DNAH2: variants seen among roughly 807,000 people sequenced by gnomAD.
DNAH2 encodes axonemal beta dynein heavy chain 2.
A neutral mutation model predicts 523.5 loss-of-function variants in DNAH2; 323 were observed. The ratio of observed to expected loss-of-function variants is 0.62; its 90% CI spans 0.56 to 0.68. DNAH2 has a LOEUF of 0.68. Ranked by LOEUF, DNAH2 falls within the 30% of genes least tolerant of loss-of-function variation. The pLI is 0.00. For synonymous variants in DNAH2, 2,093 were observed against 2,177.4 expected, an observed-to-expected ratio of 0.96 and a Z score of 1.08; for missense variants, 4,907 against 5,701.5, an observed-to-expected ratio of 0.86 and a Z score of 4.49.
At chr17:7,805,124 G>A in intron 60 of DNAH2, 50 bp downstream of exon 60, 2 of 1,600,776 alleles carry the variant, frequency 1.2e-6, no homozygotes, top group South Asian at 1.1e-5. Flanking sequence ...AGGCCCCGGG[G>A]AAGGGAATGG....
Position 7,818,047 on chromosome 17 carries a change from T to C in DNAH2, c.10338T>C (p.Tyr3446=). The C allele has an allele frequency of 6.2e-7, 1 of 1,613,864 alleles. No individual in the cohort carries two copies. Among genetic ancestry groups the C allele is most frequent in the Non-Finnish European group, 8.5e-7 (1 of 1,180,032 alleles). The change falls in exon 68 of 86, where the codon TAT becomes TAC. Residue 3446 remains tyrosine (Y), a synonymous_variant. Transcript: ENST00000572933. ...YPVLLQNVQE[Y]LDPTLNPMLN... is the part of the protein sequence containing the mutation. ...TGCTACTTCAGAACGTGCAGGAATATCTGGACCCCACACTGAACCCCATGC... is the reference window on the plus strand; with the variant it reads ...TGCTACTTCAGAACGTGCAGGAATACCTGGACCCCACACTGAACCCCATGC...
chr17:7,755,061 T>A, intron 12 of DNAH2: 1 of 275,158 alleles, frequency 3.6e-6, no homozygotes, highest in Non-Finnish European at 6.7e-6. Context: ...AATTGTAGCG[T>A]GGAAACAGGT....
In DNAH2 at chr17:7,743,100, T is replaced by A; in HGVS notation, c.1862T>A (p.Ile621Asn). 1 of 1,564,696 alleles carries A rather than the reference T, an allele frequency of 6.4e-7. No individual in the cohort carries two copies. The highest frequency in any genetic ancestry group is 8.6e-7 in the Non-Finnish European group (1 of 1,160,764). ...IRRLDTPLLR[I>N]SQEKAGMLDV... ...CGGTTGGATACCCCATTGCTGCGAATCAGCCAGGAGAAGGCGGGCATGCTG... is the reference window on the plus strand; with the variant it reads ...CGGTTGGATACCCCATTGCTGCGAAACAGCCAGGAGAAGGCGGGCATGCTG... The change falls in exon 12 of 86, where the codon ATC (isoleucine) becomes AAC (asparagine). Residue 621 changes from isoleucine to asparagine, a missense_variant. Physicochemically the swap from Ile to Asn is moderately radical, Grantham distance 149. Coordinates refer to ENST00000572933, the MANE Select transcript of DNAH2 (RefSeq NM_020877.5).
chr17:7,813,254 G>T (rs986563478), intron 63 of DNAH2, among the ~76,000 whole-genome samples: 1 of 145,282 alleles, frequency 6.9e-6, no homozygotes, highest in Non-Finnish European at 1.5e-5. Flanking sequence ...TCTTTTGTAG[G>T]TTTTTTTTTT....
chr17:7,793,559 CTTTCTTTCTTTCTTTT>C (rs888786677), intron 48 of DNAH2, among the ~76,000 whole-genome samples: 3 of 141,308 alleles, frequency 2.1e-5, no homozygotes, highest in African/African-American at 7.9e-5. Context: ...CTTTCTTTCT[CTTTCTTTCTTTCTTTT>C]TTTCTTTCTT....
At position 7,780,884 on chromosome 17, in the gene DNAH2, C is replaced by CTCACCTTCCCACCTCGTCCCATCCCCGTG; in HGVS notation, c.6003+104_6004-128dup. The CTCACCTTCCCACCTCGTCCCATCCCCGTG allele has an allele frequency of 6.3e-7, 1 of 1,584,710 alleles. No individual in the cohort carries two copies. On this transcript the variant is annotated intron_variant, in intron 38 of 85. Transcript: ENST00000572933. The surrounding 1 kb of genome is among the most constrained non-coding windows in gnomAD (Gnocchi z 4.4). Reference sequence around the variant, plus strand: ...CCCTTTCTTTCCTCAGATTGGGATTCTCACCTTCCCACCTCGTCCCATCCC... The same window carrying CTCACCTTCCCACCTCGTCCCATCCCCGTG: ...CCCTTTCTTTCCTCAGATTGGGATTCTCACCTTCCCACCTCGTCCCATCCCCGTGTCACCTTCCCACCTCGTCCCATCCC...
chr17:7,768,194 C>A lies in DNAH2; in HGVS notation c.3868C>A (p.Arg1290Ser). 9 of 1,614,162 alleles carry A rather than the reference C, an allele frequency of 5.6e-6. No homozygotes were observed. Among genetic ancestry groups the A allele is most frequent in the Non-Finnish European group, 6.8e-6 (8 of 1,180,032 alleles). The change falls in exon 24 of 86, where the codon CGC becomes AGC. Residue 1290 changes from arginine to serine, a missense_variant. Arg to Ser is a moderately radical substitution (Grantham distance 110). This residue lies in a region of DNAH2 where 2,806 missense variants were observed against 3,190.8 expected (regional missense o/e 0.88). Coordinates refer to ENST00000572933, the MANE Select transcript of DNAH2 (RefSeq NM_020877.5). Reference sequence around the variant, plus strand: ...AAACTGGGAAATTATTGAAACCACTCGCTCAAAAATAGAGCAGTTCAAGAG... The same window carrying A: ...AAACTGGGAAATTATTGAAACCACTAGCTCAAAAATAGAGCAGTTCAAGAG... The part of the protein sequence containing the change: ...DRNWEIIETT[R>S]SKIEQFKRTM...
chr17:7,759,950 A>G lies in DNAH2; in HGVS notation c.2785+12A>G. The G allele has an allele frequency of 3.7e-6, 6 of 1,614,164 alleles. No individual in the cohort carries two copies. The highest frequency in any genetic ancestry group is 5.1e-6 in the Non-Finnish European group (6 of 1,180,012). On this transcript the variant is annotated intron_variant, in intron 17 of 85. Transcript: ENST00000572933. ...CCAAACAGTTGTGGGTGAGTGGGCA[A>G]CGGGGAGGGCACAAGGCACAGGGTT...
chr17:7,825,455 CCTT>C (rs1350643225), intron 77 of DNAH2, among the ~76,000 whole-genome samples: 1 of 152,218 alleles, frequency 6.6e-6, no homozygotes, highest in African/African-American at 2.4e-5. Flanking sequence ...TATTAATCCT[CCTT>C]GGCCACTTGG....
At chr17:7,764,567 T>G (rs1399970289) in intron 20 of DNAH2, among the ~76,000 whole-genome samples, 1 of 150,846 alleles carries the variant, frequency 6.6e-6, no homozygotes, top group Non-Finnish European at 1.5e-5. Context: ...CTCAAGTGAT[T>G]CTCCTACTTC....
At position 7,831,643 on chromosome 17, in the gene DNAH2, C is replaced by T. The variant is rs768094558; in HGVS notation, c.12612-18C>T. Reference sequence around the variant, plus strand: ...CCAGGCCCACCTCATCTCTAACACTCCACCTCATCCTGCTCAGGTTCTCAC... The same window carrying T: ...CCAGGCCCACCTCATCTCTAACACTTCACCTCATCCTGCTCAGGTTCTCAC... On this transcript the variant is annotated intron_variant, in intron 81 of 85. Coordinates refer to ENST00000572933, the MANE Select transcript of DNAH2 (RefSeq NM_020877.5). The surrounding 1 kb of genome is among the most constrained non-coding windows in gnomAD (Gnocchi z 4.2). The T allele has an allele frequency of 5.6e-6, 9 of 1,613,576 alleles. No individual in the cohort carries two copies. Among genetic ancestry groups the T allele is most frequent in the South Asian group, 5.5e-5 (5 of 91,058 alleles).
At chr17:7,792,365 G>A (rs770557666) in intron 46 of DNAH2, 22 bp downstream of exon 46, 3 of 1,612,676 alleles carry the variant, frequency 1.9e-6, no homozygotes, top group Admixed American at 3.3e-5. Context: ...GCCTGGGTGT[G>A]AGGAGGGCAT....
intron 18 of DNAH2, among the ~76,000 whole-genome samples, chr17:7,761,477 C>T (rs1411563324): frequency 6.6e-6 from 1 of 151,560 alleles, no homozygotes; most frequent in Non-Finnish European, 1.5e-5. Context: ...CTATGTTGCC[C>T]ACTCAGGAAG....
chr17:7,807,569 C>T lies in DNAH2; in HGVS notation c.9712C>T (p.Gln3238Ter). The change falls in exon 63 of 86, where the codon CAG becomes TAG. Residue 3238 changes from glutamine to a stop codon, truncating the protein, a stop_gained. Coordinates refer to ENST00000572933, the MANE Select transcript of DNAH2 (RefSeq NM_020877.5). LOFTEE classifies it high-confidence loss of function. This position sits in a 1 kb window ranked among gnomAD's most constrained non-coding sequence, Gnocchi z 5.6. Reference sequence around the variant, plus strand: ...GAAGCAAGCCGCGCTCGCTGAGGCCCAGGAGAAGCTGCGGGAGGTGAGCTG... The same window carrying T: ...GAAGCAAGCCGCGCTCGCTGAGGCCTAGGAGAAGCTGCGGGAGGTGAGCTG... Reference protein sequence around the residue: ...REKQAALAEAQEKLREVAEKL... With the variant: ...REKQAALAEA 1 of 1,612,024 alleles carries T rather than the reference C, an allele frequency of 6.2e-7. No homozygotes were observed. Among genetic ancestry groups the T allele is most frequent in the Non-Finnish European group, 8.5e-7 (1 of 1,179,928 alleles).
At chr17:7,806,658 CAAAAAAAAA>C (rs66460228) in intron 61 of DNAH2, among the ~76,000 whole-genome samples, 1 of 60,568 alleles carries the variant, frequency 1.7e-5, no homozygotes, top group Non-Finnish European at 3.0e-5. Context: ...CACTCCATCT[CAAAAAAAAA>C]AAAAAAAAAA....
In DNAH2 at chr17:7,771,459, C is replaced by T. The variant is rs201546347; in HGVS notation, c.4492C>T (p.His1498Tyr). The change falls in exon 28 of 86, where the codon CAT becomes TAT. Residue 1498 changes from histidine to tyrosine, a missense_variant. By Grantham distance (83) the His-to-Tyr change is moderately conservative. Around this residue, in one of 3 missense-constraint regions of DNAH2, gnomAD observed 2,806 missense variants for 3,190.8 expected, o/e 0.88. Coordinates refer to ENST00000572933, the MANE Select transcript of DNAH2 (RefSeq NM_020877.5). Reference protein sequence around the residue: ...NKDNNALRSTHHPGLLDTLIE... With the variant: ...NKDNNALRSTYHPGLLDTLIE... The stretch of plus-strand genomic sequence containing the variant: ...GGACAACAATGCTCTCCGGAGCACC[C>T]ATCACCCAGGTCAGAGCTCCAGGGC... 55 of 1,613,920 alleles carry T rather than the reference C, an allele frequency of 3.4e-5. No homozygotes were observed. The Admixed American group carries it at 6.2e-4, about 18-fold the overall frequency.
At position 7,816,835 on chromosome 17, in the gene DNAH2, A is replaced by G. The variant is rs779585297; in HGVS notation, c.9894+100A>G. 3.4e-6 allele frequency: 5 copies of G among 1,454,690 alleles called. 1 individual carries two copies. The South Asian group carries it at 5.4e-5, about 16-fold the overall frequency. 90.1% of individuals were successfully genotyped at this position (1,454,690 alleles called of 1,614,324 possible). ...AGGAGCAGTCAGGGAAAACGGGGAC[A>G]CCTGGGTATAGGGAACTCTAAGAAC... On this transcript the variant is annotated intron_variant, in intron 64 of 85. Transcript: ENST00000572933.
chr17:7,817,931 C>A lies in DNAH2; in HGVS notation c.10237-15C>A, dbSNP rs1297432632. The A allele has an allele frequency of 6.2e-7, 1 of 1,614,116 alleles. No homozygotes were observed. Among genetic ancestry groups the A allele is most frequent in the Admixed American group, 1.7e-5 (1 of 60,012 alleles). ...TCTCCCGTAGTGTTCCTTCACCTTC[C>A]CCCTTGCTCTCTAGGGCCTGAAGAT... On this transcript the variant is annotated splice_polypyrimidine_tract_variant and intron_variant, in intron 67 of 85. Transcript: ENST00000572933.
chr17:7,798,423 T>A lies in DNAH2; in HGVS notation c.8398+99T>A. The A allele has an allele frequency of 6.5e-7, 1 of 1,532,696 alleles. No individual in the cohort carries two copies. The highest frequency in any genetic ancestry group is 1.4e-5 in the African/African-American group (1 of 73,880). 94.9% of individuals were successfully genotyped at this position (1,532,696 alleles called of 1,614,324 possible). A position where few individuals can be genotyped will look rare whatever the true frequency, so the allele number is the denominator to read the frequency against. ...GATGGCAGCCAGATGGGCAGACGTG[T>A]CTGGCCCGTGTTGGGTGTAGGATGG... On this transcript the variant is annotated intron_variant, in intron 54 of 85. Transcript: ENST00000572933. The surrounding 1 kb of genome is among the most constrained non-coding windows in gnomAD (Gnocchi z 5.5).
Sources: allele counts gnomAD v4.1 joint callset (sites outside exome capture counted in the v4.1 genomes callset), GRCh38; gene constraint gnomAD v4.1.1; regional missense constraint gnomAD v4.1.1; non-coding constraint Gnocchi (gnomAD v3.1); transcripts MANE v1.5; gene names NCBI Gene and HGNC (gene_info 2026-07-23, HGNC 2026-07-21).